Variants in CD109 observed in about 807,000 individuals in gnomAD.
The protein encoded by CD109 is CD109 molecule.
A neutral mutation model predicts 165.8 loss-of-function variants in CD109; 149 were observed. That is an observed-to-expected ratio of 0.90 (90% CI 0.79 to 1.03). CD109 has a LOEUF of 1.03. CD109 is among the 50% of genes least tolerant of loss of function. The pLI, the probability that CD109 is intolerant of heterozygous loss-of-function variation, is 0.00. For synonymous variants in CD109, 585 were observed against 592.1 expected (o/e 0.99, Z 0.18); for missense variants, 1,712 against 1,677.8 (o/e 1.02, Z -0.36).
intron 5 of CD109, among the ~76,000 whole-genome samples, chr6:73,750,922 A>G (rs935206405): frequency 4.0e-5 from 6 of 151,686 alleles, no homozygotes; most frequent in African/African-American, 1.5e-4. Context: ...CTCTTTGGTA[A>G]CAAAAGGTCC....
At chr6:73,771,352 G>A in intron 14 of CD109, 77 bp from the exon 15 acceptor site, 1 of 1,118,460 alleles carries the variant, frequency 8.9e-7, no homozygotes, top group Non-Finnish European at 1.3e-6. Context: ...GCTATATTTT[G>A]GGCCAGTGGT....
chr6:73,780,496 C>G lies in CD109; in HGVS notation c.1900C>G (p.Gln634Glu), dbSNP rs778023412. 1.3e-6 allele frequency: 2 copies of G among 1,598,520 alleles called. No individual in the cohort carries two copies. The highest frequency in any genetic ancestry group is 2.2e-5 in the South Asian group (2 of 90,604). ...GMFMNSFAVF[Q>E]ECGLWVLTDA... ...GTTCATGAATTCTTTTGCAGTCTTT[C>G]AGGTATGTTTTGCTTGCTATATTGA... is the stretch of plus-strand genomic sequence containing the variant. Residue 634 changes from glutamine to glutamate, a missense_variant and splice_region_variant, in exon 16 of 33, where the codon CAG (glutamine) becomes GAG (glutamate). Physicochemically the swap from Gln to Glu is conservative, Grantham distance 29. Coordinates refer to ENST00000287097, the MANE Select transcript of CD109 (RefSeq NM_133493.5).
At chr6:73,799,048 T>C (rs1475263487) in intron 23 of CD109, among the ~76,000 whole-genome samples, 1 of 152,152 alleles carries the variant, frequency 6.6e-6, no homozygotes, top group Non-Finnish European at 1.5e-5. Flanking sequence ...ACTCTGGCTA[T>C]CTGGAGAATT....
the CD109 span, among the ~76,000 whole-genome samples, chr6:73,682,696 G>A: frequency 1.3e-5 from 2 of 152,246 alleles, no homozygotes; most frequent in African/African-American, 2.4e-5. Flanking sequence ...CCTAGCAGAG[G>A]TTCTCCATGA....
chr6:73,698,539 C>G (rs1034798492), intron 2 of CD109, among the ~76,000 whole-genome samples: 1 of 151,908 alleles, frequency 6.6e-6, no homozygotes, highest in African/African-American at 2.4e-5. Flanking sequence ...ATTTAAGGCA[C>G]GTAATGAAGG....
chr6:73,769,984 A>G (rs1773978562), intron 14 of CD109, among the ~76,000 whole-genome samples: 1 of 152,242 alleles, frequency 6.6e-6, no homozygotes, highest in African/African-American at 2.4e-5. Context: ...GCTGAAACAA[A>G]AGGCAGAAGA....
intron 5 of CD109, among the ~76,000 whole-genome samples, chr6:73,737,667 C>T (rs902462113): frequency 1.6e-4 from 25 of 152,154 alleles, no homozygotes; most frequent in African/African-American, 6.0e-4. Flanking sequence ...GTGATGAGTT[C>T]TAGGGGAAGT....
At chr6:73,704,312 C>T (rs1316718511) in intron 2 of CD109, among the ~76,000 whole-genome samples, 6 of 152,060 alleles carry the variant, frequency 3.9e-5, no homozygotes, top group Non-Finnish European at 7.4e-5. Flanking sequence ...CTGGAAAGCT[C>T]GAGGGTGAGT....
chr6:73,809,113 C>A (rs1478622243), intron 26 of CD109, among the ~76,000 whole-genome samples: 6 of 151,922 alleles, frequency 3.9e-5, no homozygotes, highest in Middle Eastern at 3.2e-3. Flanking sequence ...AATATTCCAC[C>A]TAAGTGTAGT....
chr6:73,679,969 T>C, the CD109 span, among the ~76,000 whole-genome samples: 1 of 152,208 alleles, frequency 6.6e-6, no homozygotes, highest in Admixed American at 6.5e-5. Context: ...TGGTGAACCA[T>C]GTTTTACGTG....
chr6:73,689,076 GTTAA>G, the CD109 span, among the ~76,000 whole-genome samples: 4 of 152,180 alleles, frequency 2.6e-5, no homozygotes, highest in South Asian at 2.1e-4. Context: ...AGCTGCTTCT[GTTAA>G]TTAATTAATT....
intron 5 of CD109, among the ~76,000 whole-genome samples, chr6:73,752,313 T>C (rs1389447524): frequency 6.6e-6 from 1 of 152,224 alleles, no homozygotes; most frequent in Non-Finnish European, 1.5e-5. Context: ...GATGGCATCA[T>C]GGTTAGGGAA....
chr6:73,787,755 A>G (rs1774751937), intron 21 of CD109, among the ~76,000 whole-genome samples: 1 of 152,296 alleles, frequency 6.6e-6, no homozygotes, highest in Admixed American at 6.5e-5. Flanking sequence ...GTCGATTTGT[A>G]GATTTGGAAT....
intron 2 of CD109, among the ~76,000 whole-genome samples, chr6:73,720,532 G>C (rs1025014424): frequency 1.3e-5 from 2 of 152,070 alleles, no homozygotes; most frequent in African/African-American, 4.8e-5. Context: ...GTTATGTGAG[G>C]TAAGGCACAT....
intron 29 of CD109, among the ~76,000 whole-genome samples, chr6:73,813,153 A>G (rs1468101915): frequency 6.6e-6 from 1 of 152,128 alleles, no homozygotes; most frequent in Non-Finnish European, 1.5e-5. Context: ...TTAAAACTAA[A>G]GGAAAAATGA....
At chr6:73,712,627 G>A (rs972677136) in intron 2 of CD109, among the ~76,000 whole-genome samples, 7 of 152,168 alleles carry the variant, frequency 4.6e-5, no homozygotes, top group African/African-American at 1.4e-4. Context: ...AAAAAGTTAA[G>A]GAAAGGTTAG....
At chr6:73,738,382 C>A (rs72955217) in intron 5 of CD109, among the ~76,000 whole-genome samples, 2 of 152,294 alleles carry the variant, frequency 1.3e-5, no homozygotes, top group East Asian at 3.9e-4. Flanking sequence ...GTGGGTGGGC[C>A]GCCCTGGGTC....
In CD109 at chr6:73,741,375, A is replaced by C. The variant is rs187967981; in HGVS notation, c.633+4867A>C. On this transcript the variant is annotated intron_variant, in intron 5 of 32. Coordinates refer to ENST00000287097, the MANE Select transcript of CD109 (RefSeq NM_133493.5). ...TTTTCATCATTTCTTTGTCTAGAGCACCAAGCCCTCCTCTCAGAGGGCAGA... is the reference window on the plus strand; with the variant it reads ...TTTTCATCATTTCTTTGTCTAGAGCCCCAAGCCCTCCTCTCAGAGGGCAGA... Among the ~76,000 whole-genome samples the C allele has an allele frequency of 6.6e-5, 10 of 152,308 alleles. No homozygotes were observed. In the East Asian group the frequency reaches 1.5e-3, roughly 24 times the overall value.
chr6:73,806,476 C>T (rs1033592901), intron 24 of CD109, among the ~76,000 whole-genome samples: 23 of 151,804 alleles, frequency 1.5e-4, no homozygotes, highest in African/African-American at 5.3e-4. Context: ...CAAACCTGCA[C>T]GTTGTGCACA....
Sources: gnomAD v4.1 joint callset for allele counts (sites outside exome capture counted in the v4.1 genomes callset) on GRCh38, gnomAD v4.1.1 for gene constraint, MANE v1.5 for transcripts, NCBI Gene and HGNC (gene_info 2026-07-23, HGNC 2026-07-21) for gene names.